The following SMCHD1 variants were observed in gnomAD, a reference collection of about 807,000 sequenced individuals.
The protein encoded by SMCHD1 is structural maintenance of chromosomes flexible hinge domain-containing protein 1.
Under a neutral mutation model 254.7 loss-of-function variants are expected in SMCHD1, and 78 were observed. That is an observed-to-expected ratio of 0.31 (90% CI 0.26 to 0.37). SMCHD1 has a LOEUF of 0.37. Among genes scored for constraint, SMCHD1 ranks in the 10% least tolerant of loss-of-function variants. The pLI, the probability that SMCHD1 is intolerant of heterozygous loss-of-function variation, is 1.00. For missense variants in SMCHD1, 1,840 were observed against 2,408.1 expected, an observed-to-expected ratio of 0.76 and a Z score of 4.94; for synonymous variants, 766 against 794.9, an observed-to-expected ratio of 0.96 and a Z score of 0.61.
At chr18:2,707,479 TAA>T in intron 15 of SMCHD1, 82 bp from the exon 16 acceptor site, 2 of 775,156 alleles carry the variant, frequency 2.6e-6, no homozygotes, top group Non-Finnish European at 4.2e-6. Context: ...AATAAATATT[TAA>T]GTTTCTAATA....
At chr18:2,666,732 C>A in intron 2 of SMCHD1, 138 bp from the exon 3 acceptor site, 1 of 624,124 alleles carries the variant, frequency 1.6e-6, no homozygotes, top group Non-Finnish European at 2.6e-6. Context: ...CATGACTTTG[C>A]TTACAGGTAG....
intron 45 of SMCHD1, among the ~76,000 whole-genome samples, chr18:2,786,769 C>T (rs1465194354): frequency 6.6e-6 from 1 of 152,208 alleles, no homozygotes; most frequent in African/African-American, 2.4e-5. Context: ...ACTCCATACT[C>T]AAAGGATAAC....
At chr18:2,801,474 A>AT (rs1489605074) in intron 47 of SMCHD1, among the ~76,000 whole-genome samples, 2 of 152,062 alleles carry the variant, frequency 1.3e-5, no homozygotes, top group African/African-American at 2.4e-5. Context: ...ACTATGAGGG[A>AT]TTTTCTCATC....
At chr18:2,713,287 C>A (rs2074721167) in intron 17 of SMCHD1, among the ~76,000 whole-genome samples, 1 of 152,118 alleles carries the variant, frequency 6.6e-6, no homozygotes, top group African/African-American at 2.4e-5. Flanking sequence ...ATAAATACAT[C>A]AAAAATCAGA....
intron 3 of SMCHD1, among the ~76,000 whole-genome samples, chr18:2,668,031 C>T (rs559612287): frequency 8.3e-4 from 127 of 152,210 alleles, no homozygotes; most frequent in African/African-American, 2.6e-3. Flanking sequence ...AGGCAGGCAC[C>T]ACCACGCCTG....
intron 19 of SMCHD1, among the ~76,000 whole-genome samples, chr18:2,719,685 T>TTTTTTTG (rs1353138569): frequency 3.3e-5 from 5 of 150,602 alleles, no homozygotes; most frequent in African/African-American, 7.3e-5. Flanking sequence ...TAATTTTTTT[T>TTTTTTTG]TTTTTGGGAG....
At chr18:2,726,614 G>T in intron 22 of SMCHD1, 90 bp downstream of exon 22, 1 of 534,040 alleles carries the variant, frequency 1.9e-6, no homozygotes, top group South Asian at 3.2e-5. Context: ...TGGGCTTTTA[G>T]TAGTGGTGTA....
rs759128614 is a variant in SMCHD1, at chr18:2,763,806, T to C, written c.4719+17T>C. 6.2e-7 allele frequency: 1 copy of C among 1,600,336 alleles called. No homozygotes were observed. Among genetic ancestry groups the C allele is most frequent in the Non-Finnish European group, 8.5e-7 (1 of 1,174,568 alleles). ...GAAATCATGGTAAATTTTTTATATC[T>C]TTTGGTAGATAGAATTTCTGTATTT... On this transcript the variant is annotated intron_variant, in intron 37 of 47. Coordinates refer to ENST00000320876, the MANE Select transcript of SMCHD1 (RefSeq NM_015295.3).
chr18:2,783,781 C>T (rs980237970), intron 44 of SMCHD1, among the ~76,000 whole-genome samples: 2 of 152,082 alleles, frequency 1.3e-5, no homozygotes, highest in African/African-American at 4.8e-5. Flanking sequence ...ACATGTTGGT[C>T]AGGCTGGTCT....
chr18:2,720,815 C>T (rs1051426906), intron 19 of SMCHD1, among the ~76,000 whole-genome samples: 1 of 152,178 alleles, frequency 6.6e-6, no homozygotes, highest in East Asian at 1.9e-4. Context: ...CAGGGTCTCA[C>T]TATGTTACCC....
chr18:2,713,880 T>A (rs1338916743), intron 17 of SMCHD1, among the ~76,000 whole-genome samples: 1 of 152,208 alleles, frequency 6.6e-6, no homozygotes, highest in African/African-American at 2.4e-5. Context: ...GAGATTTGTT[T>A]TGTGGCCTAA....
chr18:2,794,088 T>G (rs1287785853), intron 45 of SMCHD1, among the ~76,000 whole-genome samples: 1 of 152,196 alleles, frequency 6.6e-6, no homozygotes, highest in Non-Finnish European at 1.5e-5. Context: ...CTAAATGTTT[T>G]AGGTTTTGCA....
chr18:2,709,335 C>T (rs2509311), intron 17 of SMCHD1, among the ~76,000 whole-genome samples: 145,361 of 151,802 alleles, frequency 0.96, 69,610 homozygotes, highest in East Asian at 1. Flanking sequence ...TGTTGTCTAT[C>T]GTGAAGAATG....
At chr18:2,685,192 C>T (rs1453025143) in intron 5 of SMCHD1, among the ~76,000 whole-genome samples, 2 of 149,844 alleles carry the variant, frequency 1.3e-5, no homozygotes, top group Admixed American at 6.7e-5. Context: ...CTCTGCCTCC[C>T]GGGTTCACGC....
intron 20 of SMCHD1, among the ~76,000 whole-genome samples, chr18:2,723,026 G>A (rs914015664): frequency 3.9e-5 from 6 of 152,002 alleles, no homozygotes; most frequent in Middle Eastern, 3.2e-3. Flanking sequence ...TTAGTTATTG[G>A]ATGTTGGACC....
intron 17 of SMCHD1, among the ~76,000 whole-genome samples, chr18:2,713,927 T>G (rs2074738045): frequency 6.6e-6 from 1 of 152,238 alleles, no homozygotes; most frequent in African/African-American, 2.4e-5. Context: ...CATTTGCTGA[T>G]GAGAAGAATG....
At chr18:2,778,004 C>A in intron 43 of SMCHD1, 89 bp downstream of exon 43, 1 of 1,026,064 alleles carries the variant, frequency 9.7e-7, no homozygotes, top group Non-Finnish European at 1.4e-6. Flanking sequence ...AATTTATATT[C>A]TTATTTTGCT....
intron 17 of SMCHD1, among the ~76,000 whole-genome samples, chr18:2,714,814 T>C (rs1235074081): frequency 6.6e-6 from 1 of 152,150 alleles, no homozygotes; most frequent in Non-Finnish European, 1.5e-5. Flanking sequence ...AAGCTTGTTC[T>C]AGCAGGACAC....
At chr18:2,656,387 C>T in intron 1 of SMCHD1, 126 bp downstream of exon 1, 1 of 923,192 alleles carries the variant, frequency 1.1e-6, no homozygotes, top group East Asian at 3.3e-5. Context: ...CCTTGGCTTC[C>T]CTCTCCCGTG....
Sources: gnomAD v4.1 joint callset for allele counts (sites outside exome capture counted in the v4.1 genomes callset) on GRCh38, gnomAD v4.1.1 for gene constraint, MANE v1.5 for transcripts, NCBI Gene and HGNC (gene_info 2026-07-23, HGNC 2026-07-21) for gene names.